The following ARHGAP20 variants were observed in gnomAD, a reference collection of about 807,000 sequenced individuals.
ARHGAP20 encodes rho GTPase-activating protein 20.
ARHGAP20 carries 34 observed loss-of-function variants against 73.7 expected under a neutral mutation model. That is an observed-to-expected ratio of 0.46 (90% confidence interval 0.35 to 0.61). The LOEUF (loss-of-function observed/expected upper bound fraction) is 0.61. ARHGAP20 is among the 20% of genes least tolerant of loss of function. The pLI, the probability that ARHGAP20 is intolerant of heterozygous loss-of-function variation, is 0.00. For missense variants in ARHGAP20, 1,314 were observed against 1,420.9 expected (o/e 0.92, Z 1.21); for synonymous variants, 523 against 518.2 (o/e 1.01, Z -0.13).
intron 2 of ARHGAP20, among the ~76,000 whole-genome samples, chr11:110,667,087 G>A (rs1318228729): frequency 6.6e-6 from 1 of 152,224 alleles, no homozygotes; most frequent in Non-Finnish European, 1.5e-5. Context: ...ATGCTGATGT[G>A]GAAGCTGTAG....
chr11:110,628,534 A>T (rs1269457376), intron 3 of ARHGAP20, among the ~76,000 whole-genome samples: 1 of 152,176 alleles, frequency 6.6e-6, no homozygotes, highest in East Asian at 1.9e-4. Context: ...AATAATAATC[A>T]TCATCATCAT....
chr11:110,648,187 A>G (rs905700614), intron 2 of ARHGAP20, among the ~76,000 whole-genome samples: 2 of 91,356 alleles, frequency 2.2e-5, no homozygotes, highest in Non-Finnish European at 4.3e-5. Context: ...ATATATATAT[A>G]TGTAAATATA....
chr11:110,704,146 A>G (rs1950512037), intron 1 of ARHGAP20, among the ~76,000 whole-genome samples: 1 of 152,230 alleles, frequency 6.6e-6, no homozygotes, highest in South Asian at 2.1e-4. Flanking sequence ...ATCCACGTCT[A>G]TCTAGATTCA....
At chr11:110,662,319 A>C (rs1387624715) in intron 2 of ARHGAP20, among the ~76,000 whole-genome samples, 1 of 151,914 alleles carries the variant, frequency 6.6e-6, no homozygotes, top group Non-Finnish European at 1.5e-5. Context: ...TATAAAATCA[A>C]ATAAAAACTT....
chr11:110,682,311 T>G (rs984246976), intron 2 of ARHGAP20, among the ~76,000 whole-genome samples: 1 of 152,194 alleles, frequency 6.6e-6, no homozygotes, highest in Non-Finnish European at 1.5e-5. Flanking sequence ...TACTAGAGAC[T>G]ACTTTAAGAA....
intron 3 of ARHGAP20, among the ~76,000 whole-genome samples, chr11:110,629,201 T>C (rs553247439): frequency 1.3e-5 from 2 of 152,282 alleles, no homozygotes; most frequent in Non-Finnish European, 2.9e-5. Flanking sequence ...TAATGAGTAC[T>C]GTGTGCTAAA....
At chr11:110,665,538 A>C (rs939178964) in intron 2 of ARHGAP20, among the ~76,000 whole-genome samples, 4 of 152,218 alleles carry the variant, frequency 2.6e-5, no homozygotes, top group Non-Finnish European at 5.9e-5. Flanking sequence ...AGCAGCCTAG[A>C]CAGAGATTCT....
intron 2 of ARHGAP20, among the ~76,000 whole-genome samples, chr11:110,657,946 GGAA>G (rs1565462668): frequency 1.1e-4 from 15 of 142,760 alleles, no homozygotes; most frequent in Admixed American, 9.0e-4. Context: ...AAGGAAGGAA[GGAA>G]GGAAGGAAGG....
intron 9 of ARHGAP20, among the ~76,000 whole-genome samples, chr11:110,601,883 G>A (rs1335817614): frequency 1.3e-5 from 2 of 151,784 alleles, no homozygotes; most frequent in Non-Finnish European, 2.9e-5. Context: ...CCAGCTATTC[G>A]GGAGGCTGAT....
At position 110,699,868 on chromosome 11, in the gene ARHGAP20, G is replaced by T. The variant is rs552624894; in HGVS notation, c.106-9239C>A. Among the ~76,000 whole-genome samples the T allele has an allele frequency of 2.0e-5, 3 of 152,050 alleles. No homozygotes were observed. In the East Asian group the frequency reaches 5.8e-4, roughly 29 times the overall value. On this transcript the variant is annotated intron_variant, in intron 1 of 14. Transcript: ENST00000683387. ...CTCAATAGTTGTGTATTAAGTGAAT[G>T]AATTAACATATCCAATATCTGAGAT...
At chr11:110,703,367 G>A (rs1300303875) in intron 1 of ARHGAP20, among the ~76,000 whole-genome samples, 2 of 152,062 alleles carry the variant, frequency 1.3e-5, no homozygotes, top group East Asian at 3.9e-4. Context: ...TAGGCTAGGA[G>A]ACATTGGACC....
chr11:110,693,080 T>C (rs999975144), intron 1 of ARHGAP20, among the ~76,000 whole-genome samples: 8 of 151,900 alleles, frequency 5.3e-5, no homozygotes, highest in Admixed American at 2.0e-4. Flanking sequence ...TCTGAAAAGG[T>C]GCTTTTGAAA....
intron 2 of ARHGAP20, among the ~76,000 whole-genome samples, chr11:110,664,958 T>A (rs1249911614): frequency 6.6e-6 from 1 of 152,136 alleles, no homozygotes; most frequent in East Asian, 1.9e-4. Context: ...ATCTATAGAT[T>A]CAGTGCAATT....
intron 2 of ARHGAP20, among the ~76,000 whole-genome samples, chr11:110,651,614 T>C (rs1949355336): frequency 6.6e-6 from 1 of 151,404 alleles, no homozygotes; most frequent in Non-Finnish European, 1.5e-5. Context: ...GCAAATAAAC[T>C]AGAAAATCTA....
At chr11:110,620,917 C>CA (rs913018418) in intron 4 of ARHGAP20, among the ~76,000 whole-genome samples, 3 of 150,442 alleles carry the variant, frequency 2.0e-5, no homozygotes, top group African/African-American at 7.3e-5. Context: ...ACTAAAAATA[C>CA]AAAAAAATTA....
intron 2 of ARHGAP20, among the ~76,000 whole-genome samples, chr11:110,663,828 A>C (rs1949666207): frequency 6.6e-6 from 1 of 152,200 alleles, no homozygotes; most frequent in Non-Finnish European, 1.5e-5. Flanking sequence ...ACCTCTCATG[A>C]ATACAGAGGT....
intron 2 of ARHGAP20, among the ~76,000 whole-genome samples, chr11:110,660,065 A>AC (rs1565463974): frequency 1.2e-4 from 11 of 95,584 alleles, no homozygotes; most frequent in African/African-American, 5.4e-4. Context: ...AAAAAACAAA[A>AC]AAAAAAAAAA....
chr11:110,650,963 T>A (rs1565459123), intron 2 of ARHGAP20, among the ~76,000 whole-genome samples: 1 of 152,184 alleles, frequency 6.6e-6, no homozygotes, highest in African/African-American at 2.4e-5. Flanking sequence ...ACATGGCACT[T>A]ATTCTAAAAT....
At position 110,580,394 on chromosome 11, in the gene ARHGAP20, T is replaced by G. The variant is rs1319159632; in HGVS notation, c.2552A>C (p.Glu851Ala). Reference sequence around the variant, plus strand: ...ATAGGTCAGCTTGCGGTTCTGGTCTTCTATGTTGGGCTCTGAGCAGCGCCG... The same window carrying G: ...ATAGGTCAGCTTGCGGTTCTGGTCTGCTATGTTGGGCTCTGAGCAGCGCCG... Reference protein sequence around the residue: ...THRRCSEPNIEDQNRKLTYLR... With the variant: ...THRRCSEPNIADQNRKLTYLR... Residue 851 changes from glutamate (E) to alanine (A), a missense_variant, in exon 15 of 15, where the codon GAA (glutamate) becomes GCA (alanine). Physicochemically the swap from Glu to Ala is moderately radical, Grantham distance 107 (BLOSUM62 -1). Around this residue, in one of 3 missense-constraint regions of ARHGAP20, gnomAD observed 641 missense variants for 636.9 expected, o/e 1.01. Coordinates refer to ENST00000683387, the MANE Select transcript of ARHGAP20 (RefSeq NM_001384657.1). The G allele has an allele frequency of 1.2e-6, 2 of 1,614,146 alleles. No homozygotes were observed. Among genetic ancestry groups the G allele is most frequent in the African/African-American group, 1.3e-5 (1 of 74,940 alleles).
Sources: gnomAD v4.1 joint callset for allele counts (sites outside exome capture counted in the v4.1 genomes callset) on GRCh38, gnomAD v4.1.1 for gene constraint, gnomAD v4.1.1 regional missense constraint, MANE v1.5 for transcripts, NCBI Gene and HGNC (gene_info 2026-07-23, HGNC 2026-07-21) for gene names.